The following KCNC4 variants were observed in gnomAD, a reference collection of about 807,000 sequenced individuals.
KCNC4 encodes potassium voltage-gated channel subfamily C member 4.
A neutral mutation model predicts 42.8 loss-of-function variants in KCNC4; 23 were observed. That is an observed-to-expected ratio of 0.54 (90% CI 0.39 to 0.76). The LOEUF (loss-of-function observed/expected upper bound fraction) is 0.76. Ranked by LOEUF, KCNC4 falls within the 30% of genes least tolerant of loss-of-function variation. The pLI, the probability that KCNC4 is intolerant of heterozygous loss-of-function variation, is 0.00. For synonymous variants in KCNC4, 422 were observed against 393.5 expected, an observed-to-expected ratio of 1.07 and a Z score of -0.86; for missense variants, 751 against 898.2, an observed-to-expected ratio of 0.84 and a Z score of 2.10.
At chr1:110,271,801 C>A (rs973445097) in intron 1 of KCNC4, among the ~76,000 whole-genome samples, 1 of 152,096 alleles carries the variant, frequency 6.6e-6, no homozygotes, top group African/African-American at 2.4e-5. Flanking sequence ...CTGTCCCCAT[C>A]GCATGCTTTG....
exon 4 of KCNC4, chr1:110,247,402 G>A (rs1410051015): frequency 4.6e-5 from 7 of 152,680 alleles, no homozygotes; most frequent in Non-Finnish European, 1.0e-4. Flanking sequence ...TAGAGATGGG[G>A]TCTTGCCATG....
intron 1 of KCNC4, among the ~76,000 whole-genome samples, chr1:110,268,610 GAAAAAA>G (rs1177241176): frequency 1.3e-4 from 11 of 82,074 alleles, no homozygotes; most frequent in South Asian, 4.1e-4. Context: ...TGTCTCAAAA[GAAAAAA>G]AAAAAAAAAA....
chr1:110,281,583 C>T (rs1659825614), intron 1 of KCNC4, among the ~76,000 whole-genome samples: 3 of 151,832 alleles, frequency 2.0e-5, no homozygotes, highest in African/African-American at 7.3e-5. Context: ...CACACACACA[C>T]ACACACATAC....
At chr1:110,260,139 C>G (rs1411788338) in intron 1 of KCNC4, among the ~76,000 whole-genome samples, 1 of 152,200 alleles carries the variant, frequency 6.6e-6, no homozygotes, top group African/African-American at 2.4e-5. Context: ...ATGTGGAATA[C>G]AAGAAAATAC....
At chr1:110,235,849 T>TC (rs1658893438), downstream of KCNC4, 1 of 152,254 alleles carries the variant, frequency 6.6e-6, no homozygotes, top group Non-Finnish European at 1.5e-5. Context: ...GAGTCCTGAC[T>TC]CCATCACTTC....
rs538688138 is a variant in KCNC4, at chr1:110,226,231, C to G, written c.1819+53C>G. ...GGAGCCCCCACAGAGCTGAGTCTCC[C>G]GAGTCCCCCACCAAGAGCCTGAGGT... is the stretch of plus-strand genomic sequence containing the variant. On this transcript the variant is annotated intron_variant, in intron 3 of 3. Transcript: ENST00000438661. 5 of 1,540,754 alleles carry G rather than the reference C, an allele frequency of 3.2e-6. No homozygotes were observed. The African/African-American group carries it at 6.8e-5, about 21-fold the overall frequency.
intron 1 of KCNC4, among the ~76,000 whole-genome samples, chr1:110,218,793 G>C (rs898052188): frequency 1.3e-5 from 2 of 152,158 alleles, no homozygotes; most frequent in African/African-American, 4.8e-5. Flanking sequence ...CCAACGGTGG[G>C]GTTGGTGGAG....
At chr1:110,268,918 C>T (rs1419656305) in intron 1 of KCNC4, among the ~76,000 whole-genome samples, 9 of 151,792 alleles carry the variant, frequency 5.9e-5, no homozygotes, top group African/African-American at 1.5e-4. Flanking sequence ...TTAGTAGAGA[C>T]GGGGTTTCAC....
chr1:110,211,309 C>T lies in KCNC4; in HGVS notation c.-191C>T. 1 of 802,226 alleles carries T rather than the reference C, an allele frequency of 1.2e-6. No individual in the cohort carries two copies. Among genetic ancestry groups the T allele is most frequent in the South Asian group, 1.8e-5 (1 of 54,370 alleles). The allele number at this position is 802,226 out of a possible 1,614,324, so 49.7% of individuals were successfully genotyped here. A position where few individuals can be genotyped will look rare whatever the true frequency, so the allele number is the denominator to read the frequency against. On this transcript the variant is annotated 5_prime_UTR_variant, in exon 1 of 4. Transcript: ENST00000438661. The surrounding 1 kb of genome is among the most constrained non-coding windows in gnomAD (Gnocchi z 6.5). Reference sequence around the variant, plus strand: ...GCCCTAACCCCAACCACCTGTGTACCGGAGAAATCCAACTCCTCCCGCTCC... The same window carrying T: ...GCCCTAACCCCAACCACCTGTGTACTGGAGAAATCCAACTCCTCCCGCTCC...
intron 1 of KCNC4, among the ~76,000 whole-genome samples, chr1:110,254,164 G>T (rs1294824664): frequency 6.6e-6 from 1 of 151,618 alleles, no homozygotes; most frequent in Non-Finnish European, 1.5e-5. Flanking sequence ...GCTCTGCTGT[G>T]GATGTCCCCC....
Position 110,211,443 on chromosome 1 carries a change from G to C in KCNC4, c.-57G>C, listed in dbSNP as rs1457553422. On this transcript the variant is annotated 5_prime_UTR_variant, in exon 1 of 4. Transcript: ENST00000438661. This position sits in a 1 kb window ranked among gnomAD's most constrained non-coding sequence, Gnocchi z 6.5. ...CTCCCCCGTCTGACGCTGCCTCCTC[G>C]GGAAGGGTGTTTGGAGGGCAGCGGC... 21 of 1,535,496 alleles carry C rather than the reference G, an allele frequency of 1.4e-5. No homozygotes were observed. The highest frequency in any genetic ancestry group is 4.0e-4 in the Middle Eastern group (2 of 5,006).
intron 1 of KCNC4, among the ~76,000 whole-genome samples, chr1:110,269,028 A>T (rs1659597097): frequency 6.6e-6 from 1 of 152,166 alleles, no homozygotes; most frequent in African/African-American, 2.4e-5. Flanking sequence ...CCCTGAGATT[A>T]TTAAGCTCTT....
chr1:110,277,187 A>C (rs1016699712), intron 1 of KCNC4, among the ~76,000 whole-genome samples: 36 of 152,352 alleles, frequency 2.4e-4, no homozygotes, highest in African/African-American at 8.2e-4. Context: ...ACATCATTAA[A>C]AATGTTCAGG....
In KCNC4 at chr1:110,259,524, G is replaced by T. The variant is rs6671395; in HGVS notation, n.31-23010G>T. On this transcript the variant is annotated intron_variant and non_coding_transcript_variant, in intron 1 of 2. Coordinates refer to the KCNC4 transcript ENST00000412512. The stretch of plus-strand genomic sequence containing the variant: ...TCTCTTGCAGATGTTCACAGTGCTG[G>T]ACCTTGAAATGTAGGTTCAGGGCTC... Among the ~76,000 whole-genome samples the T allele has an allele frequency of 2.9e-3, 442 of 152,298 alleles. 4 individuals carry two copies. Among genetic ancestry groups the T allele is most frequent in the African/African-American group, 0.01 (418 of 41,562 alleles).
At chr1:110,268,329 C>A (rs576958922) in intron 1 of KCNC4, among the ~76,000 whole-genome samples, 1 of 152,192 alleles carries the variant, frequency 6.6e-6, no homozygotes, top group Non-Finnish European at 1.5e-5. Context: ...TAGCCTTGGC[C>A]GGGTACCGTG....
At chr1:110,242,676 C>T (rs943419849) in exon 4 of KCNC4, 1 of 152,218 alleles carries the variant, frequency 6.6e-6, no homozygotes, top group Non-Finnish European at 1.5e-5. Context: ...GCAGGTGCCT[C>T]TGGAAGGTAT....
chr1:110,232,116 C>A lies in KCNC4; in HGVS notation c.1820-795C>A, dbSNP rs893451396. 4.6e-6 allele frequency: 5 copies of A among 1,094,248 alleles called. No individual in the cohort carries two copies. The African/African-American group carries it at 6.2e-5, about 14-fold the overall frequency. 67.8% of individuals were successfully genotyped at this position (1,094,248 alleles called of 1,614,324 possible). On this transcript the variant is annotated intron_variant, in intron 3 of 3. Coordinates refer to ENST00000438661, the MANE Select transcript of KCNC4 (RefSeq NM_001039574.3). Reference sequence around the variant, plus strand: ...CTGGTAAGGTAGGGGAAGGAAAGGCCCAGGTGGTAGACATCCCAGGCTGAG... The same window carrying A: ...CTGGTAAGGTAGGGGAAGGAAAGGCACAGGTGGTAGACATCCCAGGCTGAG...
downstream of KCNC4, among the ~76,000 whole-genome samples, chr1:110,252,932 T>C (rs1371275562): frequency 2.6e-5 from 4 of 152,320 alleles, no homozygotes; most frequent in East Asian, 1.9e-4. Context: ...AGGCCAATTA[T>C]GCTTGCCCAA....
At chr1:110,281,240 T>C (rs1281331074) in intron 1 of KCNC4, among the ~76,000 whole-genome samples, 1 of 151,928 alleles carries the variant, frequency 6.6e-6, no homozygotes, top group African/African-American at 2.4e-5. Flanking sequence ...TTGCTGTGGG[T>C]TTCTCCTCCC....
Sources: allele counts gnomAD v4.1 joint callset (sites outside exome capture counted in the v4.1 genomes callset), GRCh38; gene constraint gnomAD v4.1.1; non-coding constraint Gnocchi (gnomAD v3.1); transcripts MANE v1.5; gene names NCBI Gene and HGNC (gene_info 2026-07-23, HGNC 2026-07-21).